The following GRIK1 variants were observed in gnomAD, a reference collection of about 807,000 sequenced individuals.
GRIK1 encodes glutamate ionotropic receptor kainate type subunit 1.
In GRIK1, 69 loss-of-function variants were observed where a neutral mutation model predicts 105.7. The observed-to-expected ratio is 0.65, with a 90% confidence interval of 0.54 to 0.80. The LOEUF is 0.80. GRIK1 is among the 30% of genes least tolerant of loss of function. The pLI, the probability that GRIK1 is intolerant of heterozygous loss-of-function variation, is 0.00. For missense variants in GRIK1, 1,109 were observed against 1,167.3 expected, an observed-to-expected ratio of 0.95 and a Z score of 0.73; for synonymous variants, 438 against 431.3, an observed-to-expected ratio of 1.02 and a Z score of -0.19.
intron 1 of GRIK1, among the ~76,000 whole-genome samples, chr21:29,720,825 C>T (rs1375290823): frequency 6.6e-6 from 1 of 152,260 alleles, no homozygotes; most frequent in East Asian, 1.9e-4. Context: ...CTTTATTTTA[C>T]ACAAGCAGAT....
chr21:29,633,612 T>C (rs1455853226), intron 7 of GRIK1, among the ~76,000 whole-genome samples: 1 of 152,176 alleles, frequency 6.6e-6, no homozygotes, highest in African/African-American at 2.4e-5. Flanking sequence ...TGTTTATATA[T>C]AAGACAAAAC....
intron 1 of GRIK1, among the ~76,000 whole-genome samples, chr21:29,928,338 G>A (rs963705099): frequency 6.6e-6 from 1 of 152,170 alleles, no homozygotes; most frequent in African/African-American, 2.4e-5. Flanking sequence ...TGAGGGCTGA[G>A]ATAGACATGT....
intron 1 of GRIK1, among the ~76,000 whole-genome samples, chr21:29,835,724 G>T (rs1174243120): frequency 6.6e-6 from 1 of 152,016 alleles, no homozygotes; most frequent in Non-Finnish European, 1.5e-5. Context: ...ATATACTTTT[G>T]CCCTGTTGTT....
chr21:29,932,924 A>G (rs1017972533), intron 1 of GRIK1, among the ~76,000 whole-genome samples: 1 of 151,754 alleles, frequency 6.6e-6, no homozygotes, highest in East Asian at 1.9e-4. Context: ...TAGTGTAAAA[A>G]AAAAAACGAG....
chr21:29,694,160 T>C (rs1348662456), intron 1 of GRIK1, 97 bp from the exon 2 acceptor site: 16 of 797,692 alleles, frequency 2.0e-5, no homozygotes, highest in Admixed American at 2.9e-5. Context: ...AGTCTCGCTC[T>C]GTCACCCAGA....
At chr21:29,709,416 G>T (rs905996204) in intron 1 of GRIK1, among the ~76,000 whole-genome samples, 7 of 151,690 alleles carry the variant, frequency 4.6e-5, no homozygotes, top group African/African-American at 1.7e-4. Flanking sequence ...AAGTAGCTGG[G>T]ATTACAGGTG....
At chr21:29,721,906 T>G (rs2064332867) in intron 1 of GRIK1, among the ~76,000 whole-genome samples, 1 of 152,154 alleles carries the variant, frequency 6.6e-6, no homozygotes, top group Admixed American at 6.5e-5. Flanking sequence ...TTCCAAGGAA[T>G]GCAATAGACA....
intron 7 of GRIK1, among the ~76,000 whole-genome samples, chr21:29,630,017 C>T (rs181431849): frequency 1.9e-4 from 29 of 152,130 alleles, no homozygotes; most frequent in Admixed American, 1.6e-3. Flanking sequence ...GCCTGGGCAT[C>T]GGGAAAGAGA....
At chr21:29,645,272 T>C (rs1310607992) in intron 6 of GRIK1, among the ~76,000 whole-genome samples, 1 of 151,774 alleles carries the variant, frequency 6.6e-6, no homozygotes, top group Non-Finnish European at 1.5e-5. Flanking sequence ...GAATTCTAAT[T>C]CGTGATGCAA....
In GRIK1 at chr21:29,767,864, ATGTGTGTGTGTGTGTG is replaced by A. The variant is rs60618188; in HGVS notation, c.119-73817_119-73802del. Among the ~76,000 whole-genome samples, 112 of 147,340 alleles carry A rather than the reference ATGTGTGTGTGTGTGTG, an allele frequency of 7.6e-4. 1 individual carries two copies. In the South Asian group the frequency reaches 0.017, roughly 22 times the overall value. The stretch of plus-strand genomic sequence containing the variant: ...TGTGTGTTCTCCTCAGCTGAAATTC[ATGTGTGTGTGTGTGTG>A]TGTGTGTGTGTGTGTGTGTGTGTAT... On this transcript the variant is annotated intron_variant, in intron 1 of 17. Coordinates refer to ENST00000327783, the MANE Select transcript of GRIK1 (RefSeq NM_001330994.2).
At chr21:29,681,721 A>G (rs2063380713) in intron 3 of GRIK1, among the ~76,000 whole-genome samples, 1 of 152,232 alleles carries the variant, frequency 6.6e-6, no homozygotes, top group Non-Finnish European at 1.5e-5. Context: ...TATTATTCCC[A>G]TAGAACCTAA....
chr21:29,652,098 G>A (rs566096190), intron 5 of GRIK1, among the ~76,000 whole-genome samples: 1 of 152,242 alleles, frequency 6.6e-6, no homozygotes, highest in East Asian at 1.9e-4. Context: ...TAAGAATTCT[G>A]TTCCCAGTTC....
At chr21:29,858,576 G>A (rs2068536920) in intron 1 of GRIK1, among the ~76,000 whole-genome samples, 1 of 152,156 alleles carries the variant, frequency 6.6e-6, no homozygotes. Flanking sequence ...CTACTCTGTT[G>A]TGAAATATCA....
At chr21:29,894,672 C>T (rs933363189) in intron 1 of GRIK1, among the ~76,000 whole-genome samples, 25 of 152,172 alleles carry the variant, frequency 1.6e-4, no homozygotes, top group African/African-American at 5.1e-4. Flanking sequence ...TATCAACCAT[C>T]ACAGGCCTTA....
intron 4 of GRIK1, among the ~76,000 whole-genome samples, chr21:29,656,754 A>G (rs966811079): frequency 6.6e-6 from 1 of 152,244 alleles, no homozygotes; most frequent in African/African-American, 2.4e-5. Context: ...GTGAAAGGGA[A>G]TAAGAAATAA....
At chr21:29,931,252 T>C (rs559870813) in intron 1 of GRIK1, among the ~76,000 whole-genome samples, 2 of 152,240 alleles carry the variant, frequency 1.3e-5, no homozygotes, top group African/African-American at 2.4e-5. Context: ...TTTTTCTCAC[T>C]AATCTTCTTA....
At chr21:29,866,464 T>C (rs1482161278) in intron 1 of GRIK1, among the ~76,000 whole-genome samples, 1 of 152,186 alleles carries the variant, frequency 6.6e-6, no homozygotes, top group African/African-American at 2.4e-5. Context: ...GAATGGAAGT[T>C]AGAAACAAAA....
At chr21:29,622,484 A>G (rs993303863) in intron 7 of GRIK1, among the ~76,000 whole-genome samples, 3 of 152,148 alleles carry the variant, frequency 2.0e-5, no homozygotes, top group Non-Finnish European at 4.4e-5. Context: ...AGCTTGGTAC[A>G]TTCATGCCCT....
intron 1 of GRIK1, among the ~76,000 whole-genome samples, chr21:29,781,071 A>G (rs989219813): frequency 2.0e-5 from 3 of 152,184 alleles, no homozygotes; most frequent in Admixed American, 6.5e-5. Flanking sequence ...CAGGGGTGAC[A>G]TAGGTGAGCA....
Sources: allele counts gnomAD v4.1 joint callset (sites outside exome capture counted in the v4.1 genomes callset), GRCh38; gene constraint gnomAD v4.1.1; transcripts MANE v1.5; gene names NCBI Gene and HGNC (gene_info 2026-07-23, HGNC 2026-07-21).